RXFP2: variants seen among roughly 807,000 people sequenced by gnomAD.
RXFP2 encodes the protein relaxin receptor 2.
In RXFP2, 68 loss-of-function variants were observed where a neutral mutation model predicts 88.6. That is an observed-to-expected ratio of 0.77 (90% CI 0.63 to 0.94). The LOEUF is 0.94. RXFP2 is among the 40% of genes least tolerant of loss of function. The pLI is 0.00. For missense variants in RXFP2, 791 were observed against 893.9 expected (o/e 0.88, Z 1.47); for synonymous variants, 329 against 306.8 (o/e 1.07, Z -0.76).
intron 17 of RXFP2, among the ~76,000 whole-genome samples, chr13:31,797,816 A>C (rs1327270232): frequency 6.6e-6 from 1 of 152,222 alleles, no homozygotes; most frequent in Non-Finnish European, 1.5e-5. Flanking sequence ...TCATCTGGCT[A>C]GAACCACCAT....
At chr13:31,800,620 C>T (rs989279690) in intron 17 of RXFP2, among the ~76,000 whole-genome samples, 9 of 152,142 alleles carry the variant, frequency 5.9e-5, no homozygotes, top group African/African-American at 1.9e-4. Context: ...CAGAGTAGAA[C>T]TTAAGTCTAT....
chr13:31,794,859 G>T (rs1210069215), intron 16 of RXFP2, among the ~76,000 whole-genome samples: 1 of 151,060 alleles, frequency 6.6e-6, no homozygotes, highest in East Asian at 2.0e-4. Flanking sequence ...TAAGTATCTG[G>T]GATATATTCC....
chr13:31,770,922 A>T (rs775562430), intron 5 of RXFP2, among the ~76,000 whole-genome samples: 39 of 152,204 alleles, frequency 2.6e-4, no homozygotes, highest in Non-Finnish European at 4.9e-4. Flanking sequence ...TAGCACTAAC[A>T]TGTAGAACTA....
intron 1 of RXFP2, among the ~76,000 whole-genome samples, chr13:31,741,829 A>C (rs2138376847): frequency 6.6e-6 from 1 of 152,376 alleles, no homozygotes; most frequent in South Asian, 2.1e-4. Context: ...ATTAGGAACC[A>C]TATTACATAT....
Position 31,778,558 on chromosome 13 carries a change from G to A in RXFP2, c.760G>A (p.Ala254Thr). 6.2e-7 allele frequency: 1 copy of A among 1,611,530 alleles called. No individual in the cohort carries two copies. The highest frequency in any genetic ancestry group is 8.5e-7 in the Non-Finnish European group (1 of 1,177,832). The change falls in exon 9 of 18, where the codon GCC becomes ACC. Residue 254 changes from alanine to threonine, a missense_variant. Coordinates refer to ENST00000298386, the MANE Select transcript of RXFP2 (RefSeq NM_130806.5). ...YLEALPKQMC[A>T]QMPQLNWVDL... ...AGAAGCTCTTCCCAAGCAGATGTGT[G>A]CCCAAATGCCTCAACTCAACTGGGT...
chr13:31,777,273 A>G, intron 7 of RXFP2, 103 bp from the exon 8 acceptor site: 1 of 772,392 alleles, frequency 1.3e-6, no homozygotes, highest in Non-Finnish European at 2.3e-6. Flanking sequence ...AGGTGAGCCA[A>G]GTATGGAAGC....
intron 5 of RXFP2, among the ~76,000 whole-genome samples, chr13:31,766,883 T>A (rs1231302405): frequency 6.6e-6 from 1 of 152,174 alleles, no homozygotes. Context: ...GATCAATATC[T>A]GTCAATCCCT....
intron 1 of RXFP2, among the ~76,000 whole-genome samples, chr13:31,755,126 A>C (rs375382217): frequency 2.0e-5 from 3 of 152,352 alleles, no homozygotes; most frequent in South Asian, 4.1e-4. Flanking sequence ...AAAGAGGTTA[A>C]GTAGCTTACC....
intron 14 of RXFP2, among the ~76,000 whole-genome samples, chr13:31,790,985 T>C (rs1873765294): frequency 6.6e-6 from 1 of 152,152 alleles, no homozygotes; most frequent in Admixed American, 6.6e-5. Flanking sequence ...CAGGCAGCCT[T>C]GGTCTAGAAA....
At chr13:31,779,159 T>C (rs1439979564) in intron 9 of RXFP2, among the ~76,000 whole-genome samples, 1 of 147,760 alleles carries the variant, frequency 6.8e-6, no homozygotes, top group East Asian at 2.0e-4. Context: ...GGAGTCTCAC[T>C]CTGTTACCTT....
chr13:31,787,789 G>A (rs183078514), intron 13 of RXFP2, among the ~76,000 whole-genome samples: 12 of 152,274 alleles, frequency 7.9e-5, no homozygotes, highest in Admixed American at 5.9e-4. Flanking sequence ...ACAGGCGAAC[G>A]CCGCCATGCC....
chr13:31,743,271 C>A (rs1231480941), intron 1 of RXFP2, among the ~76,000 whole-genome samples: 1 of 151,998 alleles, frequency 6.6e-6, no homozygotes, highest in Non-Finnish European at 1.5e-5. Flanking sequence ...AATTCAAGAC[C>A]AGCCTGGAAA....
At chr13:31,758,425 C>G in intron 2 of RXFP2, 21 bp downstream of exon 2, 1 of 1,613,574 alleles carries the variant, frequency 6.2e-7, no homozygotes, top group Non-Finnish European at 8.5e-7. Context: ...CCCTCGGCTC[C>G]CCATGTGTGC....
chr13:31,756,512 G>C (rs1043999195), intron 1 of RXFP2, among the ~76,000 whole-genome samples: 1 of 152,100 alleles, frequency 6.6e-6, no homozygotes, highest in African/African-American at 2.4e-5. Context: ...GCCAAAGTGC[G>C]TGGTTAGGAG....
At chr13:31,794,281 A>AGGCT (rs1318309831) in intron 16 of RXFP2, among the ~76,000 whole-genome samples, 2 of 152,002 alleles carry the variant, frequency 1.3e-5, no homozygotes, top group East Asian at 1.9e-4. Flanking sequence ...AGAGTATTAC[A>AGGCT]GGCTGTTCTT....
intron 13 of RXFP2, among the ~76,000 whole-genome samples, chr13:31,787,521 C>T (rs1873598503): frequency 6.6e-6 from 1 of 152,202 alleles, no homozygotes; most frequent in South Asian, 2.1e-4. Flanking sequence ...TACTGCATTT[C>T]TGAAAGCCAA....
At chr13:31,760,080 G>A (rs894733827) in intron 2 of RXFP2, among the ~76,000 whole-genome samples, 1 of 148,850 alleles carries the variant, frequency 6.7e-6, no homozygotes, top group Non-Finnish European at 1.5e-5. Flanking sequence ...GTTGTTGTTT[G>A]TTTGTTTGTT....
At chr13:31,787,732 C>T (rs1456181635) in intron 13 of RXFP2, among the ~76,000 whole-genome samples, 6 of 152,170 alleles carry the variant, frequency 3.9e-5, no homozygotes, top group East Asian at 3.9e-4. Context: ...CTCCGCCTCC[C>T]GGCTTCAAGC....
intron 9 of RXFP2, among the ~76,000 whole-genome samples, chr13:31,779,184 G>A (rs79689027): frequency 0.012 from 1,785 of 149,630 alleles, 39 homozygotes; most frequent in African/African-American, 0.042. Flanking sequence ...GGAGTGCAGT[G>A]GTGCGATCTC....
Sources: allele counts gnomAD v4.1 joint callset (sites outside exome capture counted in the v4.1 genomes callset), GRCh38; gene constraint gnomAD v4.1.1; transcripts MANE v1.5; gene names NCBI Gene and HGNC (gene_info 2026-07-23, HGNC 2026-07-21).